Variants in MTMR8 observed in about 807,000 individuals in gnomAD.
MTMR8 encodes the protein phosphatidylinositol-3,5-bisphosphate 3-phosphatase MTMR8.
In MTMR8, 65 loss-of-function variants were observed where a neutral mutation model predicts 39.3. That is an observed-to-expected ratio of 1.65 (90% CI 1.35 to 2.03). The LOEUF (loss-of-function observed/expected upper bound fraction) is 2.03, where lower values mean the gene tolerates loss of function less well. Ranked by LOEUF, MTMR8 falls within the 30% of genes most tolerant of loss-of-function variation. The pLI is 0.00. For synonymous variants in MTMR8, 245 were observed against 185.2 expected (o/e 1.32, Z -2.62); for missense variants, 777 against 538.9 (o/e 1.44, Z -4.37).
chrX:64,287,261 T>C (rs1465950213), intron 12 of MTMR8, among the ~76,000 whole-genome samples: 1 of 111,015 alleles, frequency 9.0e-6, no homozygotes, highest in Non-Finnish European at 1.9e-5. Context: ...TTACAAGGGA[T>C]GTGAAGGACC....
chrX:64,376,359 G>T (rs903999247), intron 1 of MTMR8, among the ~76,000 whole-genome samples: 1 of 112,058 alleles, frequency 8.9e-6, no homozygotes, highest in Non-Finnish European at 1.9e-5. Context: ...CCAAAATGTT[G>T]ATAGTGATAT....
intron 1 of MTMR8, among the ~76,000 whole-genome samples, chrX:64,383,003 C>A (rs1048863081): frequency 9.0e-6 from 1 of 110,986 alleles, no homozygotes; most frequent in African/African-American, 3.3e-5. Flanking sequence ...AGGTTCCAAG[C>A]TTCACCCTTA....
At chrX:64,306,241 G>T (rs1922114088) in intron 12 of MTMR8, 2 of 333,272 alleles carry the variant, frequency 6.0e-6, no homozygotes, top group South Asian at 3.3e-5. Flanking sequence ...ACATTCTGAT[G>T]AAGTGAATGG....
rs770377638 is a variant in MTMR8 at position 64,268,625 on chromosome X, C to A, written c.2027G>T (p.Arg676Met). The A allele has an allele frequency of 1.7e-6, 2 of 1,209,741 alleles. No individual in the cohort carries two copies. Among genetic ancestry groups the A allele is most frequent in the African/African-American group, 3.5e-5 (2 of 57,036 alleles). Residue 676 changes from arginine to methionine, a missense_variant, in exon 14 of 14, where the codon AGG (arginine) becomes ATG (methionine). Physicochemically the swap from Arg to Met is moderately conservative, Grantham distance 91 (BLOSUM62 -1). Transcript: ENST00000374852. ...ISGNLGISEA[R>M]GFSGDMGILG... ...GATGCCCATGTCCCCAGAGAAACCC[C>A]TGGCCTCAGAAATACCCAAGTTTCC... is the stretch of plus-strand genomic sequence containing the variant.
At chrX:64,380,947 G>A (rs1924399693) in intron 1 of MTMR8, among the ~76,000 whole-genome samples, 1 of 112,085 alleles carries the variant, frequency 8.9e-6, no homozygotes, top group Non-Finnish European at 1.9e-5. Context: ...GGGCTGCGTA[G>A]TATTCCATGG....
At chrX:64,379,061 A>T (rs1157420503) in intron 1 of MTMR8, among the ~76,000 whole-genome samples, 2 of 111,990 alleles carry the variant, frequency 1.8e-5, no homozygotes, top group African/African-American at 6.5e-5. Flanking sequence ...CAAAAGACAC[A>T]GTCTACCAAA....
At chrX:64,334,487 G>T (rs1602135954) in intron 10 of MTMR8, among the ~76,000 whole-genome samples, 1 of 99,881 alleles carries the variant, frequency 1.0e-5, no homozygotes, top group Middle Eastern at 5.7e-3. Context: ...GTAAAATATA[G>T]ATCTGAACAT....
At chrX:64,386,503 G>T (rs1317695384) in intron 1 of MTMR8, among the ~76,000 whole-genome samples, 6 of 111,286 alleles carry the variant, frequency 5.4e-5, no homozygotes, top group Non-Finnish European at 1.1e-4. Context: ...CCCACATGGG[G>T]ATGAGAGGGG....
At chrX:64,373,157 C>T (rs777848680) in intron 1 of MTMR8, among the ~76,000 whole-genome samples, 1 of 112,104 alleles carries the variant, frequency 8.9e-6, no homozygotes. Flanking sequence ...ATTAACTTAT[C>T]GAAGACCACA....
intron 12 of MTMR8, among the ~76,000 whole-genome samples, chrX:64,298,345 T>C (rs1414108854): frequency 3.1e-5 from 3 of 95,374 alleles, no homozygotes; most frequent in African/African-American, 4.2e-5. Context: ...TTTGAAGCAA[T>C]TGTGAATGGG....
intron 12 of MTMR8, among the ~76,000 whole-genome samples, chrX:64,294,864 T>C (rs1010896877): frequency 1.8e-5 from 2 of 111,631 alleles, no homozygotes; most frequent in Non-Finnish European, 3.8e-5. Context: ...AGTTAGGATT[T>C]CAACATATGA....
intron 12 of MTMR8, among the ~76,000 whole-genome samples, chrX:64,302,152 C>T (rs2147201918): frequency 8.9e-6 from 1 of 112,683 alleles, no homozygotes; most frequent in African/African-American, 3.2e-5. Context: ...ATGGCGGGCG[C>T]CCCTCCCCCA....
intron 12 of MTMR8, among the ~76,000 whole-genome samples, chrX:64,288,175 C>T: frequency 9.1e-6 from 1 of 109,537 alleles, no homozygotes; most frequent in Non-Finnish European, 1.9e-5. Flanking sequence ...AAACGAACAA[C>T]CCCATCAAAA....
At chrX:64,328,018 A>G (rs1424399781) in intron 12 of MTMR8, among the ~76,000 whole-genome samples, 1 of 111,992 alleles carries the variant, frequency 8.9e-6, no homozygotes, top group Non-Finnish European at 1.9e-5. Context: ...TAGCAAAAAA[A>G]TACAATAAAT....
intron 8 of MTMR8, among the ~76,000 whole-genome samples, chrX:64,340,714 C>T (rs1478758501): frequency 8.9e-6 from 1 of 112,095 alleles, no homozygotes; most frequent in Non-Finnish European, 1.9e-5. Flanking sequence ...AACATGACGG[C>T]AGCAACCATG....
At chrX:64,303,785 A>T (rs1921984790) in intron 12 of MTMR8, among the ~76,000 whole-genome samples, 1 of 112,594 alleles carries the variant, frequency 8.9e-6, no homozygotes, top group African/African-American at 3.2e-5. Flanking sequence ...AACAAGTAAC[A>T]TTTAAATACA....
Position 64,368,792 on chromosome X carries a change from C to A in MTMR8, c.25-9265G>T, listed in dbSNP as rs760414557. Among the ~76,000 whole-genome samples, 46 of 112,044 alleles carry A rather than the reference C, an allele frequency of 4.1e-4. No homozygotes were observed. In the South Asian group the frequency reaches 9.7e-3, roughly 24 times the overall value. On this transcript the variant is annotated intron_variant, in intron 1 of 13. Coordinates refer to ENST00000374852, the MANE Select transcript of MTMR8 (RefSeq NM_017677.4). ...ATTAAACTAAAGAGCTTCTGCAATG[C>A]AAAAGAAACTACCATCAGAGTGAAC...
chrX:64,289,656 A>AAAAAAC (rs1921331371), intron 12 of MTMR8, among the ~76,000 whole-genome samples: 1 of 102,347 alleles, frequency 9.8e-6, no homozygotes, highest in East Asian at 2.9e-4. Flanking sequence ...AAAAAAAAAA[A>AAAAAAC]AAAAATTAAG....
chrX:64,323,494 A>G (rs1318080943), intron 12 of MTMR8, among the ~76,000 whole-genome samples: 1 of 111,820 alleles, frequency 8.9e-6, no homozygotes, highest in Non-Finnish European at 1.9e-5. Flanking sequence ...ACTCTCAGCA[A>G]TGGACAGATC....
Sources: allele counts gnomAD v4.1 joint callset (sites outside exome capture counted in the v4.1 genomes callset), GRCh38; gene constraint gnomAD v4.1.1; transcripts MANE v1.5; gene names NCBI Gene and HGNC (gene_info 2026-07-23, HGNC 2026-07-21).